Variants in TIMD4 observed in about 807,000 individuals in gnomAD.
The protein encoded by TIMD4 is T cell immunoglobulin and mucin domain containing 4, also known as T-cell immunoglobulin and mucin domain-containing protein 4.
Under a neutral mutation model 41.2 loss-of-function variants are expected in TIMD4, and 31 were observed. The observed-to-expected ratio is 0.75, with a 90% CI of 0.57 to 1.01. The LOEUF is 1.01. TIMD4 is among the 50% of genes least tolerant of loss of function. The probability of loss-of-function intolerance (pLI) is 0.00; values close to 1 mark genes in which losing one functional copy is unlikely to be tolerated. For missense variants in TIMD4, 479 were observed against 472.5 expected (o/e 1.01, Z -0.13); for synonymous variants, 204 against 177.1 (o/e 1.15, Z -1.21).
intron 1 of TIMD4, among the ~76,000 whole-genome samples, chr5:156,956,803 A>G (rs1394030532): frequency 3.9e-5 from 6 of 152,192 alleles, no homozygotes; most frequent in African/African-American, 1.4e-4. Context: ...ACCCAGGTCC[A>G]TGCTTGTTGT....
intron 5 of TIMD4, among the ~76,000 whole-genome samples, chr5:156,943,601 T>C (rs1465707084): frequency 6.6e-6 from 1 of 152,122 alleles, no homozygotes; most frequent in African/African-American, 2.4e-5. Context: ...ATACAATCAG[T>C]AGGGAACTTA....
chr5:156,933,342 T>A (rs1348438104), intron 5 of TIMD4, among the ~76,000 whole-genome samples: 1 of 152,026 alleles, frequency 6.6e-6, no homozygotes, highest in African/African-American at 2.4e-5. Flanking sequence ...CATATCAAGA[T>A]GCTCTCTCTA....
At chr5:156,940,769 G>C (rs982502306) in intron 5 of TIMD4, among the ~76,000 whole-genome samples, 9 of 151,820 alleles carry the variant, frequency 5.9e-5, no homozygotes, top group African/African-American at 1.7e-4. Flanking sequence ...GCCCCATCTG[G>C]GAGGTAGGGG....
At chr5:156,924,123 T>G in intron 6 of TIMD4, 1 of 306,790 alleles carries the variant, frequency 3.3e-6, no homozygotes, top group South Asian at 3.4e-5. Flanking sequence ...AGTAACATGT[T>G]CAAGGTGGTT....
chr5:156,930,427 C>T (rs2113350802), intron 5 of TIMD4, among the ~76,000 whole-genome samples: 1 of 152,324 alleles, frequency 6.6e-6, no homozygotes, highest in South Asian at 2.1e-4. Context: ...AATACCTATA[C>T]TGTTAACAAC....
chr5:156,925,044 C>T (rs1469603039), intron 6 of TIMD4, among the ~76,000 whole-genome samples: 2 of 152,184 alleles, frequency 1.3e-5, no homozygotes, highest in East Asian at 3.9e-4. Flanking sequence ...CATGTTGGCT[C>T]ACGCCTGTAA....
intron 5 of TIMD4, among the ~76,000 whole-genome samples, chr5:156,930,167 GC>G (rs1016148316): frequency 3.9e-5 from 6 of 152,012 alleles, no homozygotes; most frequent in African/African-American, 1.4e-4. Flanking sequence ...TTGCTATGTT[GC>G]CCAGACCAGT....
rs115724540 is a variant in TIMD4 at position 156,954,684 on chromosome 5, G to A, written c.131C>T (p.Ser44Phe). 3 of 1,614,176 alleles carry A rather than the reference G, an allele frequency of 1.9e-6. No individual in the cohort carries two copies. Among genetic ancestry groups the A allele is most frequent in the Non-Finnish European group, 2.5e-6 (3 of 1,180,026 alleles). ...HRVTLPCLYS[S>F]WSHNSNSMCW... is the part of the protein sequence containing the mutation. ...CATGCTGTTGCTGTTGTGAGACCAG[G>A]ATGAGTACAGACAGGGCAAAGTCAC... The change falls in exon 2 of 9, where the codon TCC becomes TTC. Residue 44 changes from serine to phenylalanine, a missense_variant. Coordinates refer to ENST00000274532, the MANE Select transcript of TIMD4 (RefSeq NM_138379.3).
intron 5 of TIMD4, among the ~76,000 whole-genome samples, chr5:156,942,878 A>T (rs1047954255): frequency 6.6e-6 from 1 of 152,226 alleles, no homozygotes; most frequent in Non-Finnish European, 1.5e-5. Context: ...AAAATTAAAG[A>T]TATTCACCCA....
At chr5:156,933,874 AC>A (rs1759491409) in intron 5 of TIMD4, among the ~76,000 whole-genome samples, 1 of 152,076 alleles carries the variant, frequency 6.6e-6, no homozygotes, top group South Asian at 2.1e-4. Context: ...CTGGCCCTTT[AC>A]GGAAAAAGTT....
intron 4 of TIMD4, among the ~76,000 whole-genome samples, 199 bp downstream of exon 4, chr5:156,949,452 C>T (rs867041066): frequency 7.8e-5 from 11 of 140,978 alleles, no homozygotes; most frequent in Non-Finnish European, 1.6e-4. Flanking sequence ...TCCTCCTCCT[C>T]CTTCTCTCTC....
intron 5 of TIMD4, 67 bp downstream of exon 5, chr5:156,948,349 G>T: frequency 1.1e-5 from 10 of 912,228 alleles, no homozygotes; most frequent in Non-Finnish European, 1.4e-5. Context: ...GCAAGATTCT[G>T]TCTAAAAAAA....
intron 3 of TIMD4, among the ~76,000 whole-genome samples, chr5:156,951,007 T>TACACACACACAC (rs3068099): frequency 2.0e-5 from 3 of 149,378 alleles, no homozygotes; most frequent in Non-Finnish European, 4.5e-5. Context: ...CACCTCCTCG[T>TACACACACACAC]ACACACACAC....
chr5:156,958,197 G>A (rs1164391880), intron 1 of TIMD4, among the ~76,000 whole-genome samples: 4 of 151,894 alleles, frequency 2.6e-5, no homozygotes, highest in African/African-American at 9.7e-5. Context: ...GTTTGAACCC[G>A]GGAGGCAGAG....
At chr5:156,949,992 T>A (rs1759824551) in intron 3 of TIMD4, among the ~76,000 whole-genome samples, 1 of 152,126 alleles carries the variant, frequency 6.6e-6, no homozygotes, top group Non-Finnish European at 1.5e-5. Flanking sequence ...TAATTTTGTA[T>A]TTTTAGTAAG....
Position 156,926,434 on chromosome 5 carries a change from C to T in TIMD4, c.845-122G>A, listed in dbSNP as rs564865657. ...GCTGATGTGTTTAATTATTTAATCCCGTGTTTTTTGTATAATCTATTTATG... is the reference window on the plus strand; with the variant it reads ...GCTGATGTGTTTAATTATTTAATCCTGTGTTTTTTGTATAATCTATTTATG... On this transcript the variant is annotated intron_variant, in intron 5 of 8. Coordinates refer to ENST00000274532, the MANE Select transcript of TIMD4 (RefSeq NM_138379.3). 137 of 962,168 alleles carry T rather than the reference C, an allele frequency of 1.4e-4. 1 individual carries two copies. In the East Asian group the frequency reaches 2.9e-3, roughly 21 times the overall value. 59.6% of individuals were successfully genotyped at this position (962,168 alleles called of 1,614,324 possible).
intron 5 of TIMD4, among the ~76,000 whole-genome samples, chr5:156,939,194 G>A (rs1759595181): frequency 6.6e-6 from 1 of 152,194 alleles, no homozygotes; most frequent in Non-Finnish European, 1.5e-5. Flanking sequence ...GCACCAAAGA[G>A]ACCTGGGATT....
chr5:156,951,494 C>A lies in TIMD4; in HGVS notation c.679+18G>T, dbSNP rs1247589513. ...TGAGACAGCACTGTTCTAAGAAACC[C>A]AAGATACATCTGCGTACCTGCAGTG... On this transcript the variant is annotated intron_variant, in intron 3 of 8. Transcript: ENST00000274532. 1 of 1,613,580 alleles carries A rather than the reference C, an allele frequency of 6.2e-7. No homozygotes were observed. Among genetic ancestry groups the A allele is most frequent in the Non-Finnish European group, 8.5e-7 (1 of 1,179,742 alleles).
intron 3 of TIMD4, among the ~76,000 whole-genome samples, chr5:156,951,052 TAA>T (rs1759841928): frequency 6.6e-6 from 1 of 150,744 alleles, no homozygotes; most frequent in Admixed American, 6.6e-5. Flanking sequence ...TGTGAAGGAA[TAA>T]ATTGTGTCCC....
Sources: allele counts gnomAD v4.1 joint callset (sites outside exome capture counted in the v4.1 genomes callset), GRCh38; gene constraint gnomAD v4.1.1; transcripts MANE v1.5; gene names NCBI Gene and HGNC (gene_info 2026-07-23, HGNC 2026-07-21).